Variants in AP3B1 observed in about 807,000 individuals in gnomAD.
AP3B1 encodes the protein AP-3 complex subunit beta-1.
A neutral mutation model predicts 132.5 loss-of-function variants in AP3B1; 61 were observed. The observed-to-expected ratio is 0.46, with a 90% CI of 0.37 to 0.57. The LOEUF (loss-of-function observed/expected upper bound fraction) is 0.57, where lower values mean the gene tolerates loss of function less well. Ranked by LOEUF, AP3B1 falls within the 20% of genes least tolerant of loss-of-function variation. The pLI is 0.00. For synonymous variants in AP3B1, 388 were observed against 438.3 expected (o/e 0.89, Z 1.43); for missense variants, 1,120 against 1,289.4 (o/e 0.87, Z 2.01).
chr5:78,214,141 A>G (rs1296808693), intron 7 of AP3B1, among the ~76,000 whole-genome samples: 1 of 152,222 alleles, frequency 6.6e-6, no homozygotes, highest in Non-Finnish European at 1.5e-5. Context: ...AGTGGCAAAG[A>G]AAAGAAATGA....
At position 78,205,911 on chromosome 5, in the gene AP3B1, T is replaced by G. The variant is rs560230110; in HGVS notation, c.786+10144A>C. ...TACTATACTAGGAATGGTTTTTCTA[T>G]GTACTTTATATGAAAATGTATGAAG... On this transcript the variant is annotated intron_variant, in intron 7 of 26. Transcript: ENST00000255194. 2.3e-4 allele frequency among the ~76,000 whole-genome samples: 35 copies of G among 152,312 alleles called. No homozygotes were observed. The South Asian group carries it at 7.0e-3, about 31-fold the overall frequency.
intron 7 of AP3B1, among the ~76,000 whole-genome samples, chr5:78,200,432 C>A (rs1036743830): frequency 6.6e-6 from 1 of 151,922 alleles, no homozygotes; most frequent in Non-Finnish European, 1.5e-5. Context: ...CTGAGGCAGG[C>A]GAATCACTTG....
chr5:78,118,395 G>T (rs569787660), intron 17 of AP3B1, among the ~76,000 whole-genome samples: 1 of 152,202 alleles, frequency 6.6e-6, no homozygotes, highest in African/African-American at 2.4e-5. Context: ...CTCAGGAAGC[G>T]CAAGGGGTCA....
intron 22 of AP3B1, among the ~76,000 whole-genome samples, chr5:78,067,448 C>A (rs1277546868): frequency 6.6e-6 from 1 of 152,156 alleles, no homozygotes; most frequent in African/African-American, 2.4e-5. Context: ...AACTCTCCAC[C>A]CCAAAACAAC....
intron 14 of AP3B1, among the ~76,000 whole-genome samples, chr5:78,146,436 T>C (rs1753398901): frequency 6.6e-6 from 1 of 152,232 alleles, no homozygotes; most frequent in South Asian, 2.1e-4. Flanking sequence ...TTCATTCTCC[T>C]TAAGTTCAAA....
chr5:78,239,019 ACAAAT>A (rs1185488194), intron 3 of AP3B1, among the ~76,000 whole-genome samples: 1 of 151,784 alleles, frequency 6.6e-6, no homozygotes, highest in Non-Finnish European at 1.5e-5. Context: ...AATACTAATA[ACAAAT>A]CAAATATGCT....
intron 22 of AP3B1, among the ~76,000 whole-genome samples, chr5:78,076,252 A>G (rs1050000507): frequency 1.3e-5 from 2 of 152,208 alleles, no homozygotes; most frequent in Non-Finnish European, 2.9e-5. Flanking sequence ...CCAGTCAACT[A>G]TAAACTTTCT....
chr5:78,092,676 G>T (rs1332447566), intron 21 of AP3B1, among the ~76,000 whole-genome samples: 2 of 152,164 alleles, frequency 1.3e-5, no homozygotes, highest in South Asian at 2.1e-4. Context: ...TTTTTGAGGA[G>T]TTTCTCTGTC....
chr5:78,098,361 C>T (rs766172160), intron 21 of AP3B1, among the ~76,000 whole-genome samples: 63 of 151,176 alleles, frequency 4.2e-4, no homozygotes, highest in Non-Finnish European at 2.5e-4. Context: ...TAGAATGGAA[C>T]TATAACAATT....
At chr5:78,190,012 T>C (rs2112430796) in intron 7 of AP3B1, among the ~76,000 whole-genome samples, 1 of 151,720 alleles carries the variant, frequency 6.6e-6, no homozygotes, top group East Asian at 1.9e-4. Flanking sequence ...ATTAGTATCT[T>C]TTCCACATGA....
intron 3 of AP3B1, among the ~76,000 whole-genome samples, chr5:78,229,550 T>G (rs1217660407): frequency 1.4e-5 from 2 of 143,712 alleles, no homozygotes; most frequent in Admixed American, 7.1e-5. Flanking sequence ...CTGGGCAACA[T>G]GGTGAAATCC....
intron 14 of AP3B1, among the ~76,000 whole-genome samples, chr5:78,149,580 A>C (rs1753558799): frequency 6.6e-6 from 1 of 152,194 alleles, no homozygotes. Flanking sequence ...TACACCGAGC[A>C]CTGTTCTAAG....
At chr5:78,026,754 A>G (rs1462496448) in intron 24 of AP3B1, among the ~76,000 whole-genome samples, 2 of 152,222 alleles carry the variant, frequency 1.3e-5, no homozygotes, top group African/African-American at 4.8e-5. Flanking sequence ...CAAACAGCAT[A>G]CAAGAGTACA....
intron 26 of AP3B1, among the ~76,000 whole-genome samples, chr5:78,006,137 T>C (rs1277761088): frequency 1.3e-5 from 2 of 152,194 alleles, no homozygotes; most frequent in Non-Finnish European, 2.9e-5. Flanking sequence ...AGTGCTTCAC[T>C]GGAATTATTT....
chr5:78,127,430 T>G (rs564803208), intron 17 of AP3B1, among the ~76,000 whole-genome samples: 1 of 152,334 alleles, frequency 6.6e-6, no homozygotes, highest in African/African-American at 2.4e-5. Flanking sequence ...AGAATGTTAA[T>G]TCTTTTATCT....
rs968768933 is a variant in AP3B1, at chr5:78,294,617, G to C, written c.-38C>G. 1.9e-6 allele frequency: 3 copies of C among 1,612,948 alleles called. No homozygotes were observed. Among genetic ancestry groups the C allele is most frequent in the Non-Finnish European group, 1.7e-6 (2 of 1,179,996 alleles). ...GGCGGGTGCGGGGTTGGTCCTGCCG[G>C]GGGTTCTCTCCAAAAGGTTCCAGTC... On this transcript the variant is annotated 5_prime_UTR_variant, in exon 1 of 27. Transcript: ENST00000255194.
At chr5:78,135,385 C>A (rs1400096625) in intron 15 of AP3B1, among the ~76,000 whole-genome samples, 1 of 152,000 alleles carries the variant, frequency 6.6e-6, no homozygotes, top group African/African-American at 2.4e-5. Context: ...CTCACAAAAA[C>A]AACCATACAT....
chr5:78,233,123 T>A lies in AP3B1; in HGVS notation c.280-4884A>T, dbSNP rs138630055. Among the ~76,000 whole-genome samples, 71 of 152,324 alleles carry A rather than the reference T, an allele frequency of 4.7e-4. 1 individual carries two copies. The East Asian group carries it at 0.011, about 23-fold the overall frequency. ...CCATATTTAGAAATTCTCAATAACA[T>A]CCTATATTTATAGTATTTTTTCTGA... On this transcript the variant is annotated intron_variant, in intron 3 of 26. Transcript: ENST00000255194.
In AP3B1 at chr5:78,165,604, A is replaced by C. The variant is rs1371217203; in HGVS notation, c.1230+6T>G. ...AAGTTTTTTATAATTAGCACTGTAC[A>C]CAAACCTGAAATTCTCGAAGAAGAG... On this transcript the variant is annotated splice_donor_region_variant and intron_variant, in intron 12 of 26. Coordinates refer to ENST00000255194, the MANE Select transcript of AP3B1 (RefSeq NM_003664.5). 2 of 1,602,510 alleles carry C rather than the reference A, an allele frequency of 1.2e-6. No individual in the cohort carries two copies. Among genetic ancestry groups the C allele is most frequent in the Non-Finnish European group, 1.7e-6 (2 of 1,170,844 alleles).
Sources: allele counts gnomAD v4.1 joint callset (sites outside exome capture counted in the v4.1 genomes callset), GRCh38; gene constraint gnomAD v4.1.1; transcripts MANE v1.5; gene names NCBI Gene and HGNC (gene_info 2026-07-23, HGNC 2026-07-21).